RAD23B: variants seen among roughly 807,000 people sequenced by gnomAD.
RAD23B encodes lysine-specific demethylase RAD23B.
A neutral mutation model predicts 49.1 loss-of-function variants in RAD23B; 5 were observed. That is an observed-to-expected ratio of 0.10 (90% CI 0.05 to 0.21). RAD23B has a LOEUF of 0.21. RAD23B is among the 10% of genes least tolerant of loss of function. The pLI is 1.00. For missense variants in RAD23B, 356 were observed against 486.7 expected, an observed-to-expected ratio of 0.73 and a Z score of 2.53; for synonymous variants, 184 against 165.4, an observed-to-expected ratio of 1.11 and a Z score of -0.86.
chr9:107,306,788 G>C, intron 4 of RAD23B, 141 bp downstream of exon 4: 1 of 924,150 alleles, frequency 1.1e-6, no homozygotes, highest in South Asian at 1.8e-5. Flanking sequence ...TAAAACATAT[G>C]CTGCGTCTGT....
At chr9:107,322,217 G>A (rs891247737) in intron 7 of RAD23B, 99 bp downstream of exon 7, 3 of 1,366,650 alleles carry the variant, frequency 2.2e-6, no homozygotes, top group African/African-American at 1.5e-5. Context: ...CATTCCCAGA[G>A]CAGTCGAATA....
chr9:107,317,746 A>G (rs1222586551), intron 5 of RAD23B, among the ~76,000 whole-genome samples: 1 of 151,724 alleles, frequency 6.6e-6, no homozygotes, highest in Non-Finnish European at 1.5e-5. Context: ...GTTTTAAGTG[A>G]GGTAAGTTTA....
intron 1 of RAD23B, among the ~76,000 whole-genome samples, chr9:107,292,870 C>T (rs1833411170): frequency 6.6e-6 from 1 of 152,096 alleles, no homozygotes; most frequent in Non-Finnish European, 1.5e-5. Context: ...ATAGTATCTA[C>T]CTGTGTACTA....
chr9:107,292,833 T>C (rs1393881694), intron 1 of RAD23B, among the ~76,000 whole-genome samples: 1 of 152,168 alleles, frequency 6.6e-6, no homozygotes, highest in Non-Finnish European at 1.5e-5. Context: ...TCATCTGCCT[T>C]AGTGTCCCCA....
Position 107,321,045 on chromosome 9 carries a change from A to G in RAD23B, c.682-938A>G, listed in dbSNP as rs74666687. Among the ~76,000 whole-genome samples, 312 of 152,274 alleles carry G rather than the reference A, an allele frequency of 2.0e-3. 7 individuals are homozygous for G. The East Asian group carries it at 0.058, about 28-fold the overall frequency. On this transcript the variant is annotated intron_variant, in intron 6 of 9. Transcript: ENST00000358015. The stretch of plus-strand genomic sequence containing the variant: ...AGACTTTTTAAAAATTTTAAATGAC[A>G]AGTCTATCAATCATGTGCATCAAAA...
chr9:107,287,441 C>T (rs1381614380), intron 1 of RAD23B, among the ~76,000 whole-genome samples: 1 of 152,194 alleles, frequency 6.6e-6, no homozygotes, highest in African/African-American at 2.4e-5. Context: ...TAAAATTCTA[C>T]ATATACATTG....
At chr9:107,313,427 C>G (rs542166563) in intron 5 of RAD23B, among the ~76,000 whole-genome samples, 1 of 152,054 alleles carries the variant, frequency 6.6e-6, no homozygotes, top group Non-Finnish European at 1.5e-5. Flanking sequence ...GGGTTTCACC[C>G]TGCTAGCCAG....
At position 107,302,125 on chromosome 9, in the gene RAD23B, A is replaced by T. The variant is rs758171253; in HGVS notation, c.228+11A>T. The T allele has an allele frequency of 3.7e-6, 6 of 1,611,494 alleles. No individual in the cohort carries two copies. Among genetic ancestry groups the T allele is most frequent in the East Asian group, 2.2e-5 (1 of 44,716 alleles). ...GTTATGGTGACCAAAGTAAGTTTCA[A>T]CCTCATTCTGTATATCTTTATGCAT... is the stretch of plus-strand genomic sequence containing the variant. On this transcript the variant is annotated intron_variant, in intron 3 of 9. Coordinates refer to ENST00000358015, the MANE Select transcript of RAD23B (RefSeq NM_002874.5).
At chr9:107,299,848 GTATA>G (rs1826611073) in intron 1 of RAD23B, among the ~76,000 whole-genome samples, 1 of 152,228 alleles carries the variant, frequency 6.6e-6, no homozygotes, top group Non-Finnish European at 1.5e-5. Context: ...CCCATGAACA[GTATA>G]TAAACCAAAA....
intron 4 of RAD23B, among the ~76,000 whole-genome samples, chr9:107,307,527 A>G (rs1207336039): frequency 6.6e-6 from 1 of 152,248 alleles, no homozygotes; most frequent in Non-Finnish European, 1.5e-5. Context: ...AGTGCAACTC[A>G]GGACCTCAGA....
rs1389288527 is a variant in RAD23B at position 107,302,046 on chromosome 9, A to C, written c.160A>C (p.Asn54His). Reference protein sequence around the residue: ...QKLIYAGKILNDDTALKEYKI... With the variant: ...QKLIYAGKILHDDTALKEYKI... Reference sequence around the variant, plus strand: ...TCTTAATGTATTAGGCAAAATCCTCAATGATGATACTGCTCTCAAAGAATA... The same window carrying C: ...TCTTAATGTATTAGGCAAAATCCTCCATGATGATACTGCTCTCAAAGAATA... The change falls in exon 3 of 10, where the codon AAT becomes CAT. Residue 54 changes from asparagine to histidine, a missense_variant. Coordinates refer to ENST00000358015, the MANE Select transcript of RAD23B (RefSeq NM_002874.5). The C allele has an allele frequency of 6.2e-7, 1 of 1,612,426 alleles. No homozygotes were observed. The highest frequency in any genetic ancestry group is 2.2e-5 in the East Asian group (1 of 44,716).
chr9:107,306,278 T>C, intron 3 of RAD23B, 101 bp from the exon 4 acceptor site: 1 of 1,095,706 alleles, frequency 9.1e-7, no homozygotes, highest in Non-Finnish European at 1.3e-6. Context: ...TAGGTTGTTA[T>C]TAGTGCTATG....
At chr9:107,307,832 C>G (rs770695676) in intron 4 of RAD23B, among the ~76,000 whole-genome samples, 32 of 152,010 alleles carry the variant, frequency 2.1e-4, no homozygotes, top group Non-Finnish European at 4.0e-4. Context: ...GAATATTTGC[C>G]CTGTTACTTG....
chr9:107,291,514 A>C (rs1833384549), intron 1 of RAD23B, among the ~76,000 whole-genome samples: 1 of 152,196 alleles, frequency 6.6e-6, no homozygotes, highest in South Asian at 2.1e-4. Context: ...ATGTTATGCT[A>C]TCAGTTATTG....
intron 8 of RAD23B, among the ~76,000 whole-genome samples, 189 bp downstream of exon 8, chr9:107,324,206 G>T (rs750488714): frequency 6.6e-6 from 1 of 152,206 alleles, no homozygotes; most frequent in African/African-American, 2.4e-5. Context: ...TGGAGGTTGG[G>T]TTAAATTAAG....
intron 1 of RAD23B, among the ~76,000 whole-genome samples, chr9:107,292,100 A>G (rs1833394068): frequency 6.6e-6 from 1 of 152,198 alleles, no homozygotes; most frequent in South Asian, 2.1e-4. Flanking sequence ...GAACACAACT[A>G]CACTATTTGT....
intron 6 of RAD23B, among the ~76,000 whole-genome samples, chr9:107,320,593 C>CT (rs1251728474): frequency 6.6e-6 from 1 of 152,120 alleles, no homozygotes; most frequent in Admixed American, 6.5e-5. Flanking sequence ...TTGCTTTTAA[C>CT]TGTTACTAGT....
In RAD23B at chr9:107,329,815, A is replaced by T. The variant is rs1411549252; in HGVS notation, c.*159A>T. The T allele has an allele frequency of 6.1e-6, 3 of 495,796 alleles. No individual in the cohort carries two copies. Among genetic ancestry groups the T allele is most frequent in the Non-Finnish European group, 1.1e-5 (3 of 277,362 alleles). 30.7% of individuals were successfully genotyped at this position (495,796 alleles called of 1,614,324 possible). On this transcript the variant is annotated 3_prime_UTR_variant, in exon 10 of 10. Coordinates refer to ENST00000358015, the MANE Select transcript of RAD23B (RefSeq NM_002874.5). ...GGGATCTAGGATACAGGGCAGGGAT[A>T]AATACAGTGCATGTCTGCTTCAATT...
At chr9:107,299,236 C>T (rs1185857538) in intron 1 of RAD23B, among the ~76,000 whole-genome samples, 1 of 152,180 alleles carries the variant, frequency 6.6e-6, no homozygotes. Flanking sequence ...CTGTCTAAAA[C>T]TCAAGAGAAC....
Sources: allele counts gnomAD v4.1 joint callset (sites outside exome capture counted in the v4.1 genomes callset), GRCh38; gene constraint gnomAD v4.1.1; transcripts MANE v1.5; gene names NCBI Gene and HGNC (gene_info 2026-07-23, HGNC 2026-07-21).